Variants in SPAG5 observed in about 807,000 individuals in gnomAD.
SPAG5 encodes the protein sperm associated antigen 5, also known as sperm-associated antigen 5.
A neutral mutation model predicts 145.4 loss-of-function variants in SPAG5; 99 were observed. The ratio of observed to expected loss-of-function variants is 0.68; its 90% CI spans 0.58 to 0.80. SPAG5 has a LOEUF of 0.80. SPAG5 is among the 30% of genes least tolerant of loss of function. The probability of loss-of-function intolerance (pLI) is 0.00; values close to 1 mark genes in which losing one functional copy is unlikely to be tolerated. For missense variants in SPAG5, 1,192 were observed against 1,416.0 expected (o/e 0.84, Z 2.54); for synonymous variants, 477 against 525.4 (o/e 0.91, Z 1.26).
At chr17:28,579,905 A>G in intron 16 of SPAG5, 68 bp from the exon 17 acceptor site, 1 of 1,552,020 alleles carries the variant, frequency 6.4e-7, no homozygotes, top group Non-Finnish European at 8.9e-7. Flanking sequence ...CCATAATGGA[A>G]GCCAGGGTAA....
chr17:28,578,137 CTT>C, intron 22 of SPAG5, 47 bp from the exon 23 acceptor site: 2 of 1,609,956 alleles, frequency 1.2e-6, no homozygotes, highest in Non-Finnish European at 1.7e-6. Context: ...AAAGAGCAAA[CTT>C]GGTAGGACAG....
chr17:28,590,428 C>T (rs1426901827), intron 4 of SPAG5, among the ~76,000 whole-genome samples: 1 of 151,992 alleles, frequency 6.6e-6, no homozygotes, highest in East Asian at 1.9e-4. Flanking sequence ...TGAGGTTTCA[C>T]CATACTTCTC....
intron 2 of SPAG5, among the ~76,000 whole-genome samples, chr17:28,593,678 C>T (rs1016045481): frequency 3.3e-5 from 5 of 151,800 alleles, no homozygotes; most frequent in Admixed American, 1.3e-4. Context: ...GAGCCAAAAT[C>T]GTGCCACTGC....
chr17:28,579,471 C>T lies in SPAG5; in HGVS notation c.2899G>A (p.Glu967Lys). The T allele has an allele frequency of 6.2e-7, 1 of 1,613,968 alleles. No individual in the cohort carries two copies. The highest frequency in any genetic ancestry group is 8.5e-7 in the Non-Finnish European group (1 of 1,179,886). ...ATACTCATTTCTGCCAGGCTCTCCT[C>T]CATGCCTGGGGTCTCTGAAAGAGAA... Reference protein sequence around the residue: ...SLQPAETPGMEESLAEMSIMT... With the variant: ...SLQPAETPGMKESLAEMSIMT... Residue 967 changes from glutamate to lysine, a missense_variant, in exon 18 of 24, where the codon GAG (glutamate) becomes AAG (lysine). Physicochemically the swap from Glu to Lys is moderately conservative, Grantham distance 56 (BLOSUM62 1). Around this residue, in one of 5 missense-constraint regions of SPAG5, gnomAD observed 709 missense variants for 840.7 expected, o/e 0.84. Transcript: ENST00000321765.
At chr17:28,590,365 A>C (rs2070611959) in intron 4 of SPAG5, among the ~76,000 whole-genome samples, 1 of 152,030 alleles carries the variant, frequency 6.6e-6, no homozygotes, top group Admixed American at 6.6e-5. Flanking sequence ...AGTAGCTGGG[A>C]CTACAGGCAC....
chr17:28,580,938 C>T (rs995577826), intron 15 of SPAG5, among the ~76,000 whole-genome samples: 1 of 152,216 alleles, frequency 6.6e-6, no homozygotes, highest in African/African-American at 2.4e-5. Flanking sequence ...CCAGAAGGTT[C>T]CACAGTCAAT....
At chr17:28,579,312 G>C (rs2070532986) in intron 18 of SPAG5, 53 bp downstream of exon 18, 2 of 1,613,496 alleles carry the variant, frequency 1.2e-6, no homozygotes, top group African/African-American at 1.3e-5. Context: ...TGGACCCTTG[G>C]CATAAGAGGA....
At position 28,597,230 on chromosome 17, in the gene SPAG5, A is replaced by G. The variant is rs546795158; in HGVS notation, c.177+1280T>C. Among the ~76,000 whole-genome samples, 566 of 152,296 alleles carry G rather than the reference A, an allele frequency of 3.7e-3. 4 individuals carry two copies. Among genetic ancestry groups the G allele is most frequent in the Admixed American group, 9.0e-3 (137 of 15,300 alleles). On this transcript the variant is annotated intron_variant, in intron 2 of 23. Coordinates refer to ENST00000321765, the MANE Select transcript of SPAG5 (RefSeq NM_006461.4). ...TCAGGAGTTTGAGACCAGCCTGGCC[A>G]ACATTGTGAAACCCTGTCTCTACTA...
At chr17:28,589,023 A>G (rs757029360) in intron 4 of SPAG5, among the ~76,000 whole-genome samples, 1 of 152,142 alleles carries the variant, frequency 6.6e-6, no homozygotes, top group Non-Finnish European at 1.5e-5. Flanking sequence ...ATTTCCTGCA[A>G]AAACTAAGTA....
intron 4 of SPAG5, among the ~76,000 whole-genome samples, chr17:28,587,512 C>T (rs548885208): frequency 4.0e-5 from 6 of 150,512 alleles, no homozygotes; most frequent in Middle Eastern, 3.5e-3. Flanking sequence ...GCCACTGCAC[C>T]CCAGCCTGGG....
chr17:28,584,313 G>T lies in SPAG5; in HGVS notation c.2309+20C>A. Reference sequence around the variant, plus strand: ...TAAATCCTGGATGCCTACTGCCACAGTACCCCGTTAGGAACTCACTGAGCA... The same window carrying T: ...TAAATCCTGGATGCCTACTGCCACATTACCCCGTTAGGAACTCACTGAGCA... On this transcript the variant is annotated intron_variant, in intron 12 of 23. Coordinates refer to ENST00000321765, the MANE Select transcript of SPAG5 (RefSeq NM_006461.4). 6.2e-7 allele frequency: 1 copy of T among 1,614,016 alleles called. No homozygotes were observed. The highest frequency in any genetic ancestry group is 8.5e-7 in the Non-Finnish European group (1 of 1,180,034).
intron 2 of SPAG5, among the ~76,000 whole-genome samples, chr17:28,594,484 A>C (rs763146272): frequency 6.6e-6 from 1 of 152,070 alleles, no homozygotes; most frequent in Admixed American, 6.6e-5. Context: ...AGTCCCAGCT[A>C]TTTGGGAGGC....
At chr17:28,594,828 C>G (rs1297379078) in intron 2 of SPAG5, among the ~76,000 whole-genome samples, 1 of 151,978 alleles carries the variant, frequency 6.6e-6, no homozygotes, top group Non-Finnish European at 1.5e-5. Context: ...GGTATGATGG[C>G]TCACACCTGT....
At chr17:28,584,619 C>T in intron 11 of SPAG5, 33 bp downstream of exon 11, 3 of 1,599,076 alleles carry the variant, frequency 1.9e-6, no homozygotes, top group Admixed American at 1.7e-5. Flanking sequence ...CAAATGCTTA[C>T]ATGCATGCAT....
At chr17:28,590,826 G>A (rs1005486982) in intron 4 of SPAG5, among the ~76,000 whole-genome samples, 4 of 131,200 alleles carry the variant, frequency 3.0e-5, no homozygotes, top group African/African-American at 1.2e-4. Context: ...CCGAGACCAG[G>A]CCATTGCACT....
At chr17:28,598,811 C>T (rs1164793067) in intron 1 of SPAG5, 85 bp downstream of exon 1, 1 of 1,564,452 alleles carries the variant, frequency 6.4e-7, no homozygotes, top group Non-Finnish European at 8.8e-7. Flanking sequence ...CGGGCTCGAC[C>T]CAACTTTCCA....
chr17:28,584,512 G>A (rs189874318), intron 11 of SPAG5, 32 bp from the exon 12 acceptor site: 10 of 1,612,960 alleles, frequency 6.2e-6, no homozygotes, highest in East Asian at 2.2e-5. Context: ...GACACCATGC[G>A]GTCAGCAGGC....
At chr17:28,593,754 T>G (rs1460858056) in intron 2 of SPAG5, among the ~76,000 whole-genome samples, 1 of 151,644 alleles carries the variant, frequency 6.6e-6, no homozygotes, top group African/African-American at 2.4e-5. Context: ...ATAAAAAAGG[T>G]AGACCCTAAC....
In SPAG5 at chr17:28,578,511, C is replaced by T. The variant is rs1260709610; in HGVS notation, c.3216G>A (p.Val1072=). 1 of 1,610,884 alleles carries T rather than the reference C, an allele frequency of 6.2e-7. No individual in the cohort carries two copies. The highest frequency in any genetic ancestry group is 1.1e-5 in the South Asian group (1 of 91,074). Residue 1072 remains valine, a synonymous_variant, in exon 21 of 24, where the codon GTG becomes GTA. Coordinates refer to ENST00000321765, the MANE Select transcript of SPAG5 (RefSeq NM_006461.4). ...GCCGAAGTGAGCGGGTAAGGTGGGT[C>T]ACCTCCTCTCTAAGGCTCTGGGAAT... ...SGELISLREE[V]THLTRSLRRA...
Sources: gnomAD v4.1 joint callset for allele counts (sites outside exome capture counted in the v4.1 genomes callset) on GRCh38, gnomAD v4.1.1 for gene constraint, gnomAD v4.1.1 regional missense constraint, MANE v1.5 for transcripts, NCBI Gene and HGNC (gene_info 2026-07-23, HGNC 2026-07-21) for gene names.